Variants in CAMK2D observed in about 807,000 individuals in gnomAD.
CAMK2D encodes calcium/calmodulin-dependent protein kinase type II subunit delta.
Under a neutral mutation model 84.0 loss-of-function variants are expected in CAMK2D, and 37 were observed. That is an observed-to-expected ratio of 0.44 (90% CI 0.34 to 0.58). The LOEUF (loss-of-function observed/expected upper bound fraction) is 0.58. CAMK2D is among the 20% of genes least tolerant of loss of function. CAMK2D has a pLI of 0.02. For synonymous variants in CAMK2D, 202 were observed against 212.5 expected, an observed-to-expected ratio of 0.95 and a Z score of 0.43; for missense variants, 448 against 652.5, an observed-to-expected ratio of 0.69 and a Z score of 3.41.
intron 5 of CAMK2D, among the ~76,000 whole-genome samples, chr4:113,547,935 A>T (rs1312480740): frequency 2.0e-5 from 3 of 152,226 alleles, no homozygotes. Flanking sequence ...CATTTGTTCT[A>T]GAAAAATCCA....
At chr4:113,657,541 C>A (rs1202798622) in intron 3 of CAMK2D, among the ~76,000 whole-genome samples, 3 of 151,924 alleles carry the variant, frequency 2.0e-5, no homozygotes, top group South Asian at 4.1e-4. Context: ...TATAAAAAGG[C>A]AAAAATGAAT....
intron 16 of CAMK2D, among the ~76,000 whole-genome samples, chr4:113,495,777 G>A (rs1331689004): frequency 6.6e-6 from 1 of 152,068 alleles, no homozygotes; most frequent in Non-Finnish European, 1.5e-5. Context: ...GAATCTGCTT[G>A]TTGTAAAGGG....
intron 2 of CAMK2D, among the ~76,000 whole-genome samples, chr4:113,671,158 A>G (rs905587597): frequency 3.3e-5 from 5 of 152,242 alleles, no homozygotes; most frequent in Non-Finnish European, 7.3e-5. Flanking sequence ...TAAAATATTT[A>G]TATGGTTTTC....
intron 2 of CAMK2D, among the ~76,000 whole-genome samples, chr4:113,683,735 G>C (rs1248269352): frequency 6.6e-6 from 1 of 152,144 alleles, no homozygotes; most frequent in South Asian, 2.1e-4. Context: ...CTTGTCTGTG[G>C]ATAACAACCT....
intron 4 of CAMK2D, among the ~76,000 whole-genome samples, chr4:113,570,709 C>T (rs1006153296): frequency 3.3e-5 from 5 of 151,990 alleles, no homozygotes; most frequent in African/African-American, 4.8e-5. Context: ...GAAGAAAACA[C>T]GGGGAGAAAG....
At chr4:113,748,861 A>G (rs891111852) in intron 2 of CAMK2D, among the ~76,000 whole-genome samples, 1 of 151,970 alleles carries the variant, frequency 6.6e-6, no homozygotes, top group African/African-American at 2.4e-5. Context: ...TGATTATTTT[A>G]AAATGTATTT....
Position 113,452,836 on chromosome 4 carries a change from T to C in CAMK2D, c.*1709A>G, listed in dbSNP as rs193122540. On this transcript the variant is annotated 3_prime_UTR_variant, in exon 21 of 21. Transcript: ENST00000511664. The stretch of plus-strand genomic sequence containing the variant: ...TATATATTTATTTTAAATATATATG[T>C]TGTTTTAAATTGTGTAATAATTATC... 27 of 152,666 alleles carry C rather than the reference T, an allele frequency of 1.8e-4. 1 individual carries two copies. Among genetic ancestry groups the C allele is most frequent in the African/African-American group, 6.5e-4 (27 of 41,556 alleles). 9.5% of individuals were successfully genotyped at this position (152,666 alleles called of 1,614,324 possible).
At chr4:113,570,784 G>A (rs1218468037) in intron 4 of CAMK2D, among the ~76,000 whole-genome samples, 1 of 151,898 alleles carries the variant, frequency 6.6e-6, no homozygotes, top group Non-Finnish European at 1.5e-5. Context: ...GACAACAAAA[G>A]CAAAAATAGA....
At chr4:113,702,665 T>C (rs764418782) in intron 2 of CAMK2D, among the ~76,000 whole-genome samples, 6 of 152,196 alleles carry the variant, frequency 3.9e-5, no homozygotes, top group Non-Finnish European at 7.3e-5. Flanking sequence ...TCCCAGCACT[T>C]TGGAAGGCTG....
intron 8 of CAMK2D, among the ~76,000 whole-genome samples, chr4:113,523,494 A>T (rs1414294003): frequency 1.3e-5 from 2 of 152,052 alleles, no homozygotes; most frequent in Non-Finnish European, 2.9e-5. Context: ...AATTGTACAT[A>T]AAAAAAGGTC....
intron 8 of CAMK2D, among the ~76,000 whole-genome samples, chr4:113,524,850 T>G (rs1220810499): frequency 6.6e-6 from 1 of 152,074 alleles, no homozygotes; most frequent in Non-Finnish European, 1.5e-5. Context: ...AAGTTCAGAG[T>G]AAGAGAATAT....
At chr4:113,505,892 A>C (rs774199377) in intron 13 of CAMK2D, among the ~76,000 whole-genome samples, 145 of 152,196 alleles carry the variant, frequency 9.5e-4, no homozygotes, top group Non-Finnish European at 1.8e-3. Flanking sequence ...CAGAAACTAC[A>C]ACTGAGTCGG....
chr4:113,746,470 A>G (rs2099604380), intron 2 of CAMK2D, among the ~76,000 whole-genome samples: 1 of 152,190 alleles, frequency 6.6e-6, no homozygotes, highest in African/African-American at 2.4e-5. Context: ...TATGATTATC[A>G]GCACTAAATG....
chr4:113,474,551 CT>C (rs2097582608), intron 16 of CAMK2D, among the ~76,000 whole-genome samples: 1 of 137,750 alleles, frequency 7.3e-6, no homozygotes, highest in Non-Finnish European at 1.5e-5. Flanking sequence ...CCAGCTGCCC[CT>C]GGGTGCTGTA....
intron 9 of CAMK2D, among the ~76,000 whole-genome samples, chr4:113,517,188 T>G (rs1203086114): frequency 6.6e-6 from 1 of 152,094 alleles, no homozygotes; most frequent in East Asian, 1.9e-4. Context: ...AGCAAAATAT[T>G]GTTGGTATAT....
At chr4:113,640,276 T>C (rs929294655) in intron 3 of CAMK2D, among the ~76,000 whole-genome samples, 1 of 151,940 alleles carries the variant, frequency 6.6e-6, no homozygotes, top group East Asian at 1.9e-4. Context: ...ACCTCTAAAA[T>C]AGATTTGGGA....
At chr4:113,591,385 G>T (rs1035157909) in intron 4 of CAMK2D, among the ~76,000 whole-genome samples, 7 of 152,082 alleles carry the variant, frequency 4.6e-5, no homozygotes, top group Admixed American at 3.9e-4. Flanking sequence ...AATAGAAGAG[G>T]TTCAGATCCA....
chr4:113,699,085 C>CAT (rs2099411069), intron 2 of CAMK2D, among the ~76,000 whole-genome samples: 1 of 152,002 alleles, frequency 6.6e-6, no homozygotes, highest in African/African-American at 2.4e-5. Context: ...ACTGAGAACA[C>CAT]ATATAATGTG....
intron 16 of CAMK2D, among the ~76,000 whole-genome samples, chr4:113,470,826 A>C (rs986884755): frequency 6.6e-6 from 1 of 152,188 alleles, no homozygotes; most frequent in Non-Finnish European, 1.5e-5. Flanking sequence ...GTACTGCACC[A>C]TTGCATCTCT....
Sources: gnomAD v4.1 joint callset for allele counts (sites outside exome capture counted in the v4.1 genomes callset) on GRCh38, gnomAD v4.1.1 for gene constraint, MANE v1.5 for transcripts, NCBI Gene and HGNC (gene_info 2026-07-23, HGNC 2026-07-21) for gene names.